ADARB2: variants seen among roughly 807,000 people sequenced by gnomAD.
ADARB2 encodes inactive double-stranded RNA-specific editase B2.
A neutral mutation model predicts 62.2 loss-of-function variants in ADARB2; 25 were observed. The ratio of observed to expected loss-of-function variants is 0.40; its 90% CI spans 0.29 to 0.56. The LOEUF (loss-of-function observed/expected upper bound fraction) is 0.56, where lower values mean the gene tolerates loss of function less well. ADARB2 is among the 20% of genes least tolerant of loss of function. ADARB2 has a pLI of 0.43. For missense variants in ADARB2, 1,071 were observed against 1,077.4 expected (o/e 0.99, Z 0.08); for synonymous variants, 572 against 500.8 (o/e 1.14, Z -1.90).
intron 1 of ADARB2, among the ~76,000 whole-genome samples, chr10:1,636,336 GA>G (rs1833917161): frequency 6.6e-6 from 1 of 152,154 alleles, no homozygotes. Flanking sequence ...GGGCTACAAA[GA>G]AAAGTCCCAT....
intron 3 of ADARB2, among the ~76,000 whole-genome samples, chr10:1,361,855 C>T (rs374570239): frequency 3.3e-5 from 5 of 152,320 alleles, no homozygotes; most frequent in South Asian, 4.1e-4. Flanking sequence ...ATACTTACGA[C>T]GAGTCCCGCA....
At chr10:1,452,355 T>C (rs1007696269) in intron 1 of ADARB2, among the ~76,000 whole-genome samples, 2 of 152,016 alleles carry the variant, frequency 1.3e-5, no homozygotes, top group Non-Finnish European at 2.9e-5. Flanking sequence ...ATAATAACAA[T>C]AATAAAAAAA....
chr10:1,203,164 G>C (rs1564218832), intron 7 of ADARB2, among the ~76,000 whole-genome samples: 1 of 152,192 alleles, frequency 6.6e-6, no homozygotes, highest in Non-Finnish European at 1.5e-5. Flanking sequence ...CCCATGTCTA[G>C]TTTTCAATAT....
At chr10:1,233,654 G>A in intron 6 of ADARB2, 40 bp downstream of exon 6, 1 of 1,575,302 alleles carries the variant, frequency 6.3e-7, no homozygotes, top group Non-Finnish European at 8.6e-7. Context: ...AGGGAGCTGG[G>A]GGCTGTTGGC....
chr10:1,389,706 G>A lies in ADARB2; in HGVS notation c.101-10546C>T, dbSNP rs556086361. On this transcript the variant is annotated intron_variant, in intron 1 of 9. Coordinates refer to ENST00000381312, the MANE Select transcript of ADARB2 (RefSeq NM_018702.4). ...TGCAGTGAGCTGAGATCGTGCCACC[G>A]CACTCCAGCCTGGGTGACAGGCAGA... Among the ~76,000 whole-genome samples, 63 of 151,776 alleles carry A rather than the reference G, an allele frequency of 4.2e-4. No homozygotes were observed. In the South Asian group the frequency reaches 7.3e-3, roughly 18 times the overall value.
At chr10:1,550,585 C>T (rs1259300631) in intron 1 of ADARB2, among the ~76,000 whole-genome samples, 2 of 152,220 alleles carry the variant, frequency 1.3e-5, no homozygotes, top group Non-Finnish European at 2.9e-5. Context: ...TGGCATGAAC[C>T]TCAGGCCCCT....
chr10:1,379,618 C>A (rs1435065572), intron 1 of ADARB2, among the ~76,000 whole-genome samples: 2 of 152,210 alleles, frequency 1.3e-5, no homozygotes, highest in Non-Finnish European at 2.9e-5. Flanking sequence ...CTGGGCTTGA[C>A]ATGCATTAAA....
intron 7 of ADARB2, among the ~76,000 whole-genome samples, chr10:1,214,799 T>C (rs1379437911): frequency 3.3e-5 from 5 of 152,264 alleles, no homozygotes; most frequent in Non-Finnish European, 5.9e-5. Context: ...ACATTTTCTT[T>C]TGAAGAATGA....
chr10:1,561,924 A>G (rs1342150882), intron 1 of ADARB2, among the ~76,000 whole-genome samples: 2 of 152,166 alleles, frequency 1.3e-5, no homozygotes, highest in African/African-American at 2.4e-5. Flanking sequence ...TTTGCTCCTG[A>G]TGCCTAGAAG....
intron 6 of ADARB2, among the ~76,000 whole-genome samples, chr10:1,223,557 G>C (rs545132862): frequency 1.7e-3 from 264 of 152,206 alleles, no homozygotes; most frequent in African/African-American, 6.0e-3. Flanking sequence ...TTGGCTGTGG[G>C]TTTGTCATAG....
At chr10:1,562,436 C>T (rs1436145349) in intron 1 of ADARB2, among the ~76,000 whole-genome samples, 5 of 139,396 alleles carry the variant, frequency 3.6e-5, no homozygotes, top group Non-Finnish European at 7.9e-5. Flanking sequence ...AAAAGGTTCC[C>T]AGCATTTCTG....
intron 1 of ADARB2, among the ~76,000 whole-genome samples, chr10:1,731,720 A>G (rs1240714540): frequency 6.6e-6 from 1 of 152,172 alleles, no homozygotes; most frequent in Non-Finnish European, 1.5e-5. Context: ...AACAACACGA[A>G]TCAGGTTCTC....
At chr10:1,223,466 G>T (rs1245882880) in intron 6 of ADARB2, among the ~76,000 whole-genome samples, 1 of 152,154 alleles carries the variant, frequency 6.6e-6, no homozygotes, top group Non-Finnish European at 1.5e-5. Context: ...GAATAGGAGT[G>T]GTGAGAGAGG....
At chr10:1,657,224 G>C (rs1362017198) in intron 1 of ADARB2, among the ~76,000 whole-genome samples, 1 of 152,074 alleles carries the variant, frequency 6.6e-6, no homozygotes, top group Non-Finnish European at 1.5e-5. Flanking sequence ...TATGAAAGCA[G>C]CAAAAAGTTA....
chr10:1,342,954 C>T (rs1421251827), intron 3 of ADARB2, among the ~76,000 whole-genome samples: 2 of 152,180 alleles, frequency 1.3e-5, no homozygotes, highest in Non-Finnish European at 2.9e-5. Context: ...AATGTTGGAA[C>T]TTCAACTTAA....
At chr10:1,583,288 G>C (rs968302856) in intron 1 of ADARB2, among the ~76,000 whole-genome samples, 8 of 152,204 alleles carry the variant, frequency 5.3e-5, no homozygotes, top group Admixed American at 5.2e-4. Flanking sequence ...TTGTAGAATT[G>C]TATATACTGA....
intron 1 of ADARB2, among the ~76,000 whole-genome samples, chr10:1,697,437 C>A (rs189118554): frequency 3.6e-4 from 55 of 152,268 alleles, no homozygotes; most frequent in African/African-American, 1.3e-3. Flanking sequence ...GTGGCTCAAA[C>A]CTGCCCCATC....
chr10:1,628,301 C>T (rs1833797739), intron 1 of ADARB2, among the ~76,000 whole-genome samples: 1 of 152,240 alleles, frequency 6.6e-6, no homozygotes, highest in African/African-American at 2.4e-5. Flanking sequence ...TGGGTAGTGC[C>T]TGTGATTACT....
At position 1,379,173 on chromosome 10, in the gene ADARB2, G is replaced by T. The variant is rs1345104116; in HGVS notation, c.101-13C>A. 1.9e-6 allele frequency: 3 copies of T among 1,596,920 alleles called. No homozygotes were observed. The highest frequency in any genetic ancestry group is 2.6e-6 in the Non-Finnish European group (3 of 1,164,804). The stretch of plus-strand genomic sequence containing the variant: ...ATGCTTACTTTATCTGGAAAGAAAA[G>T]AACAGGAAATGCACTTTTGACATGG... On this transcript the variant is annotated splice_polypyrimidine_tract_variant and intron_variant, in intron 1 of 9. Coordinates refer to ENST00000381312, the MANE Select transcript of ADARB2 (RefSeq NM_018702.4).
Sources: gnomAD v4.1 joint callset for allele counts (sites outside exome capture counted in the v4.1 genomes callset) on GRCh38, gnomAD v4.1.1 for gene constraint, MANE v1.5 for transcripts, NCBI Gene and HGNC (gene_info 2026-07-23, HGNC 2026-07-21) for gene names.